RSU1: variants seen among roughly 807,000 people sequenced by gnomAD.
RSU1 encodes Ras suppressor protein 1.
A neutral mutation model predicts 31.1 loss-of-function variants in RSU1; 26 were observed. That is an observed-to-expected ratio of 0.84 (90% CI 0.61 to 1.16). RSU1 has a LOEUF of 1.16. Ranked by LOEUF, RSU1 falls within the 50% of genes most tolerant of loss-of-function variation. RSU1 has a pLI of 0.00. For missense variants in RSU1, 320 were observed against 339.1 expected (o/e 0.94, Z 0.44); for synonymous variants, 164 against 136.3 (o/e 1.20, Z -1.41).
intron 7 of RSU1, among the ~76,000 whole-genome samples, chr10:16,752,063 C>T (rs1466693698): frequency 3.9e-5 from 6 of 152,180 alleles, no homozygotes; most frequent in Admixed American, 1.3e-4. Context: ...ATTCACGACC[C>T]GCAGAGGTAT....
chr10:16,679,884 T>TG (rs1463416267), intron 8 of RSU1, among the ~76,000 whole-genome samples: 3 of 148,808 alleles, frequency 2.0e-5, no homozygotes, highest in Admixed American at 2.0e-4. Context: ...TTTTTTTTTT[T>TG]TTTTTTTTTT....
At chr10:16,736,574 G>T (rs998737186) in intron 7 of RSU1, among the ~76,000 whole-genome samples, 7 of 151,750 alleles carry the variant, frequency 4.6e-5, no homozygotes, top group African/African-American at 1.2e-4. Context: ...AAGACAAAAA[G>T]AATTCATACA....
At chr10:16,623,545 C>G (rs1273859087) in intron 8 of RSU1, among the ~76,000 whole-genome samples, 1 of 152,160 alleles carries the variant, frequency 6.6e-6, no homozygotes, top group Non-Finnish European at 1.5e-5. Flanking sequence ...ATATACCCAC[C>G]AATGGGATTG....
rs1240281059 is a variant in RSU1, at chr10:16,785,526, A to ATACACATATATACATATATACATATATAT, written c.110-3443_110-3442insATATATATGTATATATGTATATATGTGTA. On this transcript the variant is annotated intron_variant, in intron 2 of 8. Coordinates refer to ENST00000345264, the MANE Select transcript of RSU1 (RefSeq NM_012425.4). ...CACATATATACATATATATATATAT[A>ATACACATATATACATATATACATATATAT]ATATTAGTTCTTTCCCTCTAGAGAA... 7.1e-5 allele frequency among the ~76,000 whole-genome samples: 10 copies of ATACACATATATACATATATACATATATAT among 141,830 alleles called. No homozygotes were observed. The East Asian group carries it at 8.0e-4, about 11-fold the overall frequency. 93.0% of individuals were successfully genotyped at this position (141,830 alleles called of 152,430 possible).
intron 8 of RSU1, among the ~76,000 whole-genome samples, chr10:16,601,694 G>A (rs911091602): frequency 3.9e-5 from 6 of 152,216 alleles, no homozygotes; most frequent in African/African-American, 1.2e-4. Flanking sequence ...CACCTGGCAT[G>A]GAGCAGCCAC....
At chr10:16,766,144 A>T (rs1837309395) in intron 3 of RSU1, among the ~76,000 whole-genome samples, 1 of 152,354 alleles carries the variant, frequency 6.6e-6, no homozygotes, top group African/African-American at 2.4e-5. Flanking sequence ...AAGAATACAG[A>T]TTACTCTGAA....
intron 7 of RSU1, among the ~76,000 whole-genome samples, chr10:16,728,732 A>T (rs1588498116): frequency 6.6e-6 from 1 of 152,204 alleles, no homozygotes; most frequent in African/African-American, 2.4e-5. Flanking sequence ...AGTGGTGCTT[A>T]TAAGAGGGAT....
At chr10:16,787,637 A>G (rs920622932) in intron 2 of RSU1, among the ~76,000 whole-genome samples, 7 of 152,238 alleles carry the variant, frequency 4.6e-5, no homozygotes, top group African/African-American at 1.4e-4. Flanking sequence ...GTGACAGTAA[A>G]TAAGTCTCAC....
At chr10:16,697,516 T>C (rs1285166296) in intron 7 of RSU1, among the ~76,000 whole-genome samples, 2 of 151,850 alleles carry the variant, frequency 1.3e-5, no homozygotes, top group East Asian at 1.9e-4. Flanking sequence ...ATACAAAAAT[T>C]AGCCAGGCAC....
intron 7 of RSU1, among the ~76,000 whole-genome samples, chr10:16,729,585 AC>A (rs1210261982): frequency 6.6e-6 from 1 of 152,142 alleles, no homozygotes; most frequent in African/African-American, 2.4e-5. Flanking sequence ...ACTCCTTGTA[AC>A]CACAAAGGCA....
chr10:16,793,542 C>A (rs1392131446), intron 2 of RSU1, among the ~76,000 whole-genome samples: 3 of 152,048 alleles, frequency 2.0e-5, no homozygotes, highest in Non-Finnish European at 4.4e-5. Flanking sequence ...TCATTCTTGT[C>A]CAAACACACA....
rs116228097 is a variant in RSU1, at chr10:16,600,260, T to G, written c.732-6764A>C. 5.2e-3 allele frequency among the ~76,000 whole-genome samples: 786 copies of G among 151,904 alleles called. 9 individuals are homozygous for G. The highest frequency in any genetic ancestry group is 0.018 in the African/African-American group (754 of 41,426). On this transcript the variant is annotated intron_variant, in intron 8 of 8. Coordinates refer to ENST00000345264, the MANE Select transcript of RSU1 (RefSeq NM_012425.4). ...TGAAGCCCAAATGCCAACGTGGGAGTGGGCGCTGCCCTGAGCTGCCACCCC... is the reference window on the plus strand; with the variant it reads ...TGAAGCCCAAATGCCAACGTGGGAGGGGGCGCTGCCCTGAGCTGCCACCCC...
intron 8 of RSU1, 42 bp from the exon 9 acceptor site, chr10:16,593,538 A>C (rs1290995002): frequency 6.8e-7 from 1 of 1,466,302 alleles, no homozygotes; most frequent in Non-Finnish European, 9.6e-7. Context: ...CTATTTTGCC[A>C]ACACAAGATA....
intron 7 of RSU1, among the ~76,000 whole-genome samples, chr10:16,696,954 C>G (rs1437207250): frequency 6.6e-6 from 1 of 152,080 alleles, no homozygotes; most frequent in Non-Finnish European, 1.5e-5. Flanking sequence ...GTTTGCTGCA[C>G]TCAATTTATC....
chr10:16,662,854 G>A (rs376082700), intron 8 of RSU1, among the ~76,000 whole-genome samples: 82 of 152,044 alleles, frequency 5.4e-4, no homozygotes, highest in Non-Finnish European at 7.9e-4. Context: ...GAAATCAAGC[G>A]TGTGATAACA....
At chr10:16,618,059 G>A (rs1254370503) in intron 8 of RSU1, among the ~76,000 whole-genome samples, 2 of 152,176 alleles carry the variant, frequency 1.3e-5, no homozygotes, top group Non-Finnish European at 2.9e-5. Context: ...CTTCAAATGG[G>A]AGAAAATTTT....
At chr10:16,601,230 C>T (rs557007548) in intron 8 of RSU1, among the ~76,000 whole-genome samples, 1 of 152,330 alleles carries the variant, frequency 6.6e-6, no homozygotes, top group East Asian at 1.9e-4. Flanking sequence ...CCCTCCATGT[C>T]TCCAGAACTT....
At chr10:16,715,082 G>C (rs1218306748) in intron 7 of RSU1, among the ~76,000 whole-genome samples, 2 of 152,200 alleles carry the variant, frequency 1.3e-5, no homozygotes, top group African/African-American at 2.4e-5. Flanking sequence ...ACCTGTCCAT[G>C]GTGCTGTCCT....
At chr10:16,738,580 C>T (rs1197331826) in intron 7 of RSU1, among the ~76,000 whole-genome samples, 1 of 152,080 alleles carries the variant, frequency 6.6e-6, no homozygotes, top group Non-Finnish European at 1.5e-5. Flanking sequence ...AATAAAATAA[C>T]TCAGTGAAAC....
Sources: allele counts gnomAD v4.1 joint callset (sites outside exome capture counted in the v4.1 genomes callset), GRCh38; gene constraint gnomAD v4.1.1; transcripts MANE v1.5; gene names NCBI Gene and HGNC (gene_info 2026-07-23, HGNC 2026-07-21).